COL4A2: variants seen among roughly 807,000 people sequenced by gnomAD.
COL4A2 encodes the protein collagen type IV alpha 2 chain.
In COL4A2, 99 loss-of-function variants were observed where a neutral mutation model predicts 200.2. That is an observed-to-expected ratio of 0.49 (90% CI 0.42 to 0.58). COL4A2 has a LOEUF of 0.58. Ranked by LOEUF, COL4A2 falls within the 20% of genes least tolerant of loss-of-function variation. COL4A2 has a pLI of 0.00. For synonymous variants in COL4A2, 897 were observed against 900.6 expected (o/e 1.00, Z 0.07); for missense variants, 1,950 against 2,314.1 (o/e 0.84, Z 3.23).
At position 110,495,454 on chromosome 13, in the gene COL4A2, C is replaced by A. The variant is rs1883426638; in HGVS notation, c.3747C>A (p.Asp1249Glu). ...TGGGAGTCCCAGGACAGAAAGGAGACCAAGGAGCTCCAGGTGAGGCCACAC... is the reference window on the plus strand; with the variant it reads ...TGGGAGTCCCAGGACAGAAAGGAGAACAAGGAGCTCCAGGTGAGGCCACAC... ...GPVGVPGQKGDQGAPGERGPP... is the reference protein window; with the variant it reads ...GPVGVPGQKGEQGAPGERGPP... The change falls in exon 40 of 48, where the codon GAC becomes GAA. Residue 1249 changes from aspartate (D) to glutamate (E), a missense_variant. This residue lies in a region of COL4A2 where 1,385 missense variants were observed against 1,720.5 expected (regional missense o/e 0.80). Coordinates refer to ENST00000360467, the MANE Select transcript of COL4A2 (RefSeq NM_001846.4). The A allele has an allele frequency of 1.2e-6, 2 of 1,612,688 alleles. No individual in the cohort carries two copies. Among genetic ancestry groups the A allele is most frequent in the African/African-American group, 2.7e-5 (2 of 74,792 alleles).
chr13:110,438,596 C>G, intron 14 of COL4A2, 22 bp from the exon 15 acceptor site: 1 of 1,614,164 alleles, frequency 6.2e-7, no homozygotes, highest in Non-Finnish European at 8.5e-7. Context: ...TTGCTCCTTA[C>G]GCCCCCTCTG....
intron 6 of COL4A2, among the ~76,000 whole-genome samples, chr13:110,425,212 T>C (rs1227246372): frequency 1.3e-5 from 2 of 152,206 alleles, no homozygotes; most frequent in Non-Finnish European, 2.9e-5. Context: ...GCTTCAGAAT[T>C]GAGACGATTT....
At chr13:110,470,813 G>A (rs957823198) in intron 28 of COL4A2, among the ~76,000 whole-genome samples, 10 of 152,148 alleles carry the variant, frequency 6.6e-5, no homozygotes, top group Admixed American at 3.3e-4. Context: ...GTGTCTGTCC[G>A]TCCCTGATAG....
chr13:110,366,583 C>T (rs982987317), intron 4 of COL4A2, among the ~76,000 whole-genome samples: 2 of 152,146 alleles, frequency 1.3e-5, no homozygotes, highest in African/African-American at 2.4e-5. Flanking sequence ...ACCAAGCAAC[C>T]GTATGCACAT....
chr13:110,455,927 G>A (rs902860613), intron 20 of COL4A2, among the ~76,000 whole-genome samples: 30 of 152,164 alleles, frequency 2.0e-4, no homozygotes, highest in Non-Finnish European at 2.9e-5. Flanking sequence ...TGCTGGGGGA[G>A]TGCCATTTGC....
Position 110,308,795 on chromosome 13 carries a change from C to T in COL4A2, c.99+672C>T, listed in dbSNP as rs192480067. ...GTGGGTGCAGCTGGCGACTGCACTGCGAGGCTTTGTCCATTTTATACGTTT... is the reference window on the plus strand; with the variant it reads ...GTGGGTGCAGCTGGCGACTGCACTGTGAGGCTTTGTCCATTTTATACGTTT... On this transcript the variant is annotated intron_variant, in intron 3 of 47. Coordinates refer to ENST00000360467, the MANE Select transcript of COL4A2 (RefSeq NM_001846.4). Among the ~76,000 whole-genome samples the T allele has an allele frequency of 1.0e-3, 157 of 152,246 alleles. 1 individual carries two copies. Among genetic ancestry groups the T allele is most frequent in the East Asian group, 5.8e-3 (30 of 5,184 alleles).
intron 29 of COL4A2, 136 bp downstream of exon 29, chr13:110,473,286 T>C (rs1041888310): frequency 1.3e-6 from 1 of 742,076 alleles, no homozygotes. Context: ...CCTTCTCCCA[T>C]GGCCTTCCAG....
rs199861031 is a variant in COL4A2, at chr13:110,351,216, TC to T, written c.100-6255del. ...GGCGTGCACCACCACACCCAGCTATTCTTTTTGTTTGTTTGTTTGTTTGTTT... is the reference window on the plus strand; with the variant it reads ...GGCGTGCACCACCACACCCAGCTATTTTTTTGTTTGTTTGTTTGTTTGTTT... On this transcript the variant is annotated intron_variant, in intron 3 of 47. Coordinates refer to ENST00000360467, the MANE Select transcript of COL4A2 (RefSeq NM_001846.4). Among the ~76,000 whole-genome samples, 179 of 104,354 alleles carry T rather than the reference TC, an allele frequency of 1.7e-3. 4 individuals carry two copies. In the East Asian group the frequency reaches 0.03, roughly 17 times the overall value. 68.5% of individuals were successfully genotyped at this position (104,354 alleles called of 152,430 possible).
rs1475210236 is a variant in COL4A2 at position 110,438,411 on chromosome 13, C to T, written c.862-207C>T. 1.6e-5 allele frequency: 11 copies of T among 705,386 alleles called. No homozygotes were observed. In the East Asian group the frequency reaches 2.5e-4, roughly 16 times the overall value. The allele number at this position is 705,386 out of a possible 1,614,324, so 43.7% of individuals were successfully genotyped here. On this transcript the variant is annotated intron_variant, in intron 14 of 47. Transcript: ENST00000360467. ...CGCTTACCACGTGACATGACACATGCAGTCCTGGATGGGTGACAGCCCGGG... is the reference window on the plus strand; with the variant it reads ...CGCTTACCACGTGACATGACACATGTAGTCCTGGATGGGTGACAGCCCGGG...
chr13:110,313,441 G>A (rs898680088), intron 3 of COL4A2, among the ~76,000 whole-genome samples: 1 of 133,314 alleles, frequency 7.5e-6, no homozygotes, highest in African/African-American at 3.0e-5. Context: ...GCGAGCAGCC[G>A]GCGTCCACCC....
At chr13:110,465,287 G>T (rs983722762) in intron 24 of COL4A2, 118 bp from the exon 25 acceptor site, 206 of 1,311,866 alleles carry the variant, frequency 1.6e-4, no homozygotes, top group Non-Finnish European at 2.0e-4. Flanking sequence ...CATCTCTGTT[G>T]TCTTTCTGTT....
At chr13:110,473,185 C>G in intron 29 of COL4A2, 35 bp downstream of exon 29, 1 of 1,544,032 alleles carries the variant, frequency 6.5e-7, no homozygotes, top group East Asian at 2.4e-5. Flanking sequence ...GGGCCCCATC[C>G]CAGATGCACA....
chr13:110,466,210 T>C, intron 26 of COL4A2, 148 bp downstream of exon 26: 1 of 843,876 alleles, frequency 1.2e-6, no homozygotes, highest in South Asian at 2.0e-5. Context: ...AGTGGCCTGG[T>C]GAGCACTATA....
chr13:110,389,887 A>T (rs1481437085), intron 4 of COL4A2, among the ~76,000 whole-genome samples: 1 of 152,176 alleles, frequency 6.6e-6, no homozygotes, highest in Non-Finnish European at 1.5e-5. Flanking sequence ...AAGTTTAAAA[A>T]TTTTTAAAAC....
At chr13:110,373,696 C>T (rs1566498827) in intron 4 of COL4A2, among the ~76,000 whole-genome samples, 1 of 152,176 alleles carries the variant, frequency 6.6e-6, no homozygotes, top group South Asian at 2.1e-4. Context: ...GGTGTGAGGA[C>T]GTAGAAATCC....
intron 36 of COL4A2, 105 bp from the exon 37 acceptor site, chr13:110,491,128 C>A (rs1883270142): frequency 1.3e-6 from 1 of 770,896 alleles, no homozygotes; most frequent in East Asian, 2.7e-5. Flanking sequence ...CTCTCCATTC[C>A]TGAAGGAGCA....
chr13:110,318,536 A>G (rs1885202030), intron 3 of COL4A2, among the ~76,000 whole-genome samples: 1 of 152,182 alleles, frequency 6.6e-6, no homozygotes, highest in African/African-American at 2.4e-5. Flanking sequence ...AGGAAATGTC[A>G]GGACTCAGGC....
rs9559817 is a variant in COL4A2, at chr13:110,472,624, A to C, written c.2204-305A>C. Among the ~76,000 whole-genome samples the C allele has an allele frequency of 0.59, 88,823 of 151,824 alleles. 26,558 individuals carry two copies. Among genetic ancestry groups the C allele is most frequent in the East Asian group, 0.82 (4,215 of 5,150 alleles). ...GCTATTCTTTGGGGCTTATTTGCAA[A>C]GCAGGGGAACCCATGAATTATGCAA... On this transcript the variant is annotated intron_variant, in intron 28 of 47. Coordinates refer to ENST00000360467, the MANE Select transcript of COL4A2 (RefSeq NM_001846.4).
In COL4A2 at chr13:110,339,213, C is replaced by A. The variant is rs575720912; in HGVS notation, c.100-18259C>A. Among the ~76,000 whole-genome samples, 22 of 152,322 alleles carry A rather than the reference C, an allele frequency of 1.4e-4. No homozygotes were observed. In the South Asian group the frequency reaches 3.5e-3, roughly 24 times the overall value. Reference sequence around the variant, plus strand: ...TTAAATGGGCCAAACAGTTGGATTTCTTTTACCTTTTGTGCAGAAAGCCTT... The same window carrying A: ...TTAAATGGGCCAAACAGTTGGATTTATTTTACCTTTTGTGCAGAAAGCCTT... On this transcript the variant is annotated intron_variant, in intron 3 of 47. Coordinates refer to ENST00000360467, the MANE Select transcript of COL4A2 (RefSeq NM_001846.4).
Sources: gnomAD v4.1 joint callset for allele counts (sites outside exome capture counted in the v4.1 genomes callset) on GRCh38, gnomAD v4.1.1 for gene constraint, gnomAD v4.1.1 regional missense constraint, MANE v1.5 for transcripts, NCBI Gene and HGNC (gene_info 2026-07-23, HGNC 2026-07-21) for gene names.